The following ABHD12B variants were observed in gnomAD, a reference collection of about 807,000 sequenced individuals.
The protein encoded by ABHD12B is protein ABHD12B.
A neutral mutation model predicts 50.4 loss-of-function variants in ABHD12B; 42 were observed. The observed-to-expected ratio is 0.83, with a 90% CI of 0.65 to 1.08. The LOEUF is 1.08. Ranked by LOEUF, ABHD12B falls within the 50% of genes least tolerant of loss-of-function variation. ABHD12B has a pLI of 0.00. For missense variants in ABHD12B, 479 were observed against 447.7 expected (o/e 1.07, Z -0.63); for synonymous variants, 167 against 160.3 (o/e 1.04, Z -0.32).
At chr14:50,883,614 G>A (rs1408286355) in intron 5 of ABHD12B, among the ~76,000 whole-genome samples, 2 of 152,256 alleles carry the variant, frequency 1.3e-5, no homozygotes, top group African/African-American at 2.4e-5. Flanking sequence ...CTGTCTCAAT[G>A]TTCCCAGAAA....
At chr14:50,875,930 A>G (rs940764195) in intron 1 of ABHD12B, among the ~76,000 whole-genome samples, 1 of 152,150 alleles carries the variant, frequency 6.6e-6, no homozygotes, top group Non-Finnish European at 1.5e-5. Context: ...CCTTCAAAAG[A>G]CAGCTTAGCT....
At chr14:50,885,560 C>A in intron 5 of ABHD12B, 54 bp from the exon 6 acceptor site, 1 of 1,603,878 alleles carries the variant, frequency 6.2e-7, no homozygotes, top group Non-Finnish European at 8.5e-7. Context: ...GGAGGAGAAG[C>A]CTTTTCTGTT....
At chr14:50,878,379 T>A (rs1422768185) in intron 2 of ABHD12B, among the ~76,000 whole-genome samples, 1 of 152,220 alleles carries the variant, frequency 6.6e-6, no homozygotes, top group East Asian at 1.9e-4. Flanking sequence ...TTTTGGCTGA[T>A]GATTAGGTTT....
At chr14:50,904,047 C>T (rs1566496735) in intron 11 of ABHD12B, 27 bp from the exon 12 acceptor site, 1 of 1,577,476 alleles carries the variant, frequency 6.3e-7, no homozygotes, top group Admixed American at 1.7e-5. Flanking sequence ...AATGGCCATC[C>T]TTTGAGTCTC....
Position 50,892,433 on chromosome 14 carries a change from A to G in ABHD12B, c.780+3530A>G, listed in dbSNP as rs1176190538. 14 of 985,458 alleles carry G rather than the reference A, an allele frequency of 1.4e-5. No homozygotes were observed. The East Asian group carries it at 9.1e-4, about 64-fold the overall frequency. The allele number at this position is 985,458 out of a possible 1,614,324, so 61.0% of individuals were successfully genotyped here. ...ATTCAGGCGGGGTGCTAAGCTTTGAAGCAAAGGGCCTGTTGTTTCTGCCCT... is the reference window on the plus strand; with the variant it reads ...ATTCAGGCGGGGTGCTAAGCTTTGAGGCAAAGGGCCTGTTGTTTCTGCCCT... On this transcript the variant is annotated intron_variant, in intron 9 of 12. Transcript: ENST00000337334.
chr14:50,895,984 T>C (rs193143084), intron 9 of ABHD12B, among the ~76,000 whole-genome samples: 1 of 152,302 alleles, frequency 6.6e-6, no homozygotes, highest in East Asian at 1.9e-4. Flanking sequence ...ATTCCTGGAC[T>C]ACAGCTATAT....
intron 1 of ABHD12B, among the ~76,000 whole-genome samples, chr14:50,874,082 A>C (rs1226240313): frequency 6.6e-6 from 1 of 152,176 alleles, no homozygotes; most frequent in Non-Finnish European, 1.5e-5. Flanking sequence ...GCAAACCTTC[A>C]TGGAGGGCTT....
At chr14:50,872,509 G>T (rs1263760105) in intron 1 of ABHD12B, among the ~76,000 whole-genome samples, 1 of 152,220 alleles carries the variant, frequency 6.6e-6, no homozygotes, top group East Asian at 1.9e-4. Context: ...GAGACTCTCA[G>T]GTTTGGTATT....
At position 50,878,091 on chromosome 14, in the gene ABHD12B, C is replaced by A. The variant is rs2049888680; in HGVS notation, c.232+12C>A. On this transcript the variant is annotated intron_variant, in intron 2 of 12. Transcript: ENST00000337334. ...TTATTTTAATTTTTGTAAGTATGGA[C>A]CTTCCATAAATTTTCCTATATAATT... is the stretch of plus-strand genomic sequence containing the variant. 2.0e-6 allele frequency: 3 copies of A among 1,507,708 alleles called. No individual in the cohort carries two copies. The highest frequency in any genetic ancestry group is 2.6e-6 in the Non-Finnish European group (3 of 1,134,690). The allele number at this position is 1,507,708 out of a possible 1,614,324, so 93.4% of individuals were successfully genotyped here. A position where few individuals can be genotyped will look rare whatever the true frequency, so the allele number is the denominator to read the frequency against.
chr14:50,873,335 C>G (rs942770177), intron 1 of ABHD12B, among the ~76,000 whole-genome samples: 1 of 152,088 alleles, frequency 6.6e-6, no homozygotes, highest in African/African-American at 2.4e-5. Context: ...CTCAGCCTCC[C>G]CAGTAGCTGG....
rs780152610 is a variant in ABHD12B at position 50,904,061 on chromosome 14, C to T, written c.943-13C>T. On this transcript the variant is annotated splice_polypyrimidine_tract_variant and intron_variant, in intron 11 of 12. Transcript: ENST00000337334. ...GAATGGCCATCCTTTGAGTCTCTTT[C>T]TGTCGCTTGCAGCTCTATGAAATTG... 1 of 1,603,056 alleles carries T rather than the reference C, an allele frequency of 6.2e-7. No homozygotes were observed. Among genetic ancestry groups the T allele is most frequent in the African/African-American group, 1.3e-5 (1 of 74,490 alleles).
intron 3 of ABHD12B, among the ~76,000 whole-genome samples, chr14:50,879,364 G>T (rs2049907857): frequency 6.6e-6 from 1 of 152,172 alleles, no homozygotes; most frequent in Admixed American, 6.5e-5. Context: ...GTGATGATTT[G>T]GTTAATATTT....
At chr14:50,877,819 A>G (rs1440502094) in intron 1 of ABHD12B, 133 bp from the exon 2 acceptor site, 5 of 887,806 alleles carry the variant, frequency 5.6e-6, no homozygotes, top group Non-Finnish European at 7.9e-6. Flanking sequence ...GTGAGCTGAG[A>G]ACATGCCATT....
chr14:50,878,858 G>C lies in ABHD12B; in HGVS notation c.335+11G>C. 1 of 1,609,822 alleles carries C rather than the reference G, an allele frequency of 6.2e-7. No individual in the cohort carries two copies. The highest frequency in any genetic ancestry group is 2.2e-5 in the East Asian group (1 of 44,870). ...GATGCTAGGGATCTGGTGAGTGCACGGATGGGACACCGGGTTGCTTGATGG... is the reference window on the plus strand; with the variant it reads ...GATGCTAGGGATCTGGTGAGTGCACCGATGGGACACCGGGTTGCTTGATGG... On this transcript the variant is annotated intron_variant, in intron 3 of 12. Coordinates refer to ENST00000337334, the MANE Select transcript of ABHD12B (RefSeq NM_001206673.2).
chr14:50,903,323 C>T (rs992049477), intron 10 of ABHD12B, 66 bp from the exon 11 acceptor site: 2 of 1,300,384 alleles, frequency 1.5e-6, no homozygotes, highest in African/African-American at 3.0e-5. Context: ...AAAGCTTTAA[C>T]TTAGAAGAGG....
At position 50,877,501 on chromosome 14, in the gene ABHD12B, C is replaced by T. The variant is rs189101065; in HGVS notation, c.105-451C>T. Among the ~76,000 whole-genome samples, 106 of 152,276 alleles carry T rather than the reference C, an allele frequency of 7.0e-4. 2 individuals are homozygous for T. In the East Asian group the frequency reaches 0.014, roughly 21 times the overall value. ...TTTCAGCTACTGGTTGGGGCCCTGC[C>T]CTATTACTTTCCTTACCTGGTTTCC... On this transcript the variant is annotated intron_variant, in intron 1 of 12. Transcript: ENST00000337334.
In ABHD12B at chr14:50,903,452, G is replaced by A. The variant is rs1236565549; in HGVS notation, c.927G>A (p.Leu309=). The A allele has an allele frequency of 2.5e-6, 4 of 1,611,944 alleles. No individual in the cohort carries two copies. Among genetic ancestry groups the A allele is most frequent in the African/African-American group, 1.3e-5 (1 of 74,752 alleles). Residue 309 remains leucine (L), a synonymous_variant, in exon 11 of 13, where the codon TTG becomes TTA. Transcript: ENST00000337334. ...GAGAGGATGACAGGACAGTGCCTTT[G>A]GAGTATGGGAAAAAGGTAAACTAAG... ...LHGEDDRTVP[L]EYGKKLYEIA... is the part of the protein sequence containing the mutation.
rs748216479 is a variant in ABHD12B at position 50,904,407 on chromosome 14, A to G, written c.*41A>G. 70 of 1,612,834 alleles carry G rather than the reference A, an allele frequency of 4.3e-5. No individual in the cohort carries two copies. The highest frequency in any genetic ancestry group is 1.6e-4 in the Middle Eastern group (1 of 6,082). On this transcript the variant is annotated 3_prime_UTR_variant, in exon 13 of 13. Transcript: ENST00000337334. ...AAATCTTCAATGAAGACTTGGCCCA[A>G]ACACCACCTGTGATGTATATTGTTC...
chr14:50,876,139 G>A (rs776181309), intron 1 of ABHD12B, among the ~76,000 whole-genome samples: 31 of 152,178 alleles, frequency 2.0e-4, no homozygotes, highest in Non-Finnish European at 3.7e-4. Flanking sequence ...CCTTCCTGCC[G>A]CCTTCATGGC....
Sources: allele counts gnomAD v4.1 joint callset (sites outside exome capture counted in the v4.1 genomes callset), GRCh38; gene constraint gnomAD v4.1.1; transcripts MANE v1.5; gene names NCBI Gene and HGNC (gene_info 2026-07-23, HGNC 2026-07-21).